RASAL2: variants seen among roughly 807,000 people sequenced by gnomAD.
RASAL2 encodes RAS protein activator like 2.
Under a neutral mutation model 128.9 loss-of-function variants are expected in RASAL2, and 58 were observed. That is an observed-to-expected ratio of 0.45 (90% CI 0.36 to 0.56). The LOEUF is 0.56. Ranked by LOEUF, RASAL2 falls within the 20% of genes least tolerant of loss-of-function variation. RASAL2 has a pLI of 0.00. For missense variants in RASAL2, 1,360 were observed against 1,601.6 expected, an observed-to-expected ratio of 0.85 and a Z score of 2.57; for synonymous variants, 561 against 580.8, an observed-to-expected ratio of 0.97 and a Z score of 0.49.
intron 1 of RASAL2, among the ~76,000 whole-genome samples, chr1:178,136,462 C>T (rs1165752564): frequency 6.6e-6 from 1 of 151,824 alleles, no homozygotes; most frequent in Non-Finnish European, 1.5e-5. Context: ...TATTTTTTCC[C>T]TTAAAGGACT....
At chr1:178,364,907 C>T (rs1671319915) in intron 3 of RASAL2, among the ~76,000 whole-genome samples, 1 of 151,396 alleles carries the variant, frequency 6.6e-6, no homozygotes, top group Admixed American at 6.6e-5. Flanking sequence ...ACTGTATTTA[C>T]TTTTTTTTTC....
intron 3 of RASAL2, among the ~76,000 whole-genome samples, chr1:178,318,956 A>G (rs372157442): frequency 2.6e-5 from 4 of 151,724 alleles, no homozygotes; most frequent in Admixed American, 6.6e-5. Flanking sequence ...CATGTTTAGC[A>G]CTTCCTTCAG....
At chr1:178,141,939 C>T (rs774909604) in intron 1 of RASAL2, among the ~76,000 whole-genome samples, 3 of 151,940 alleles carry the variant, frequency 2.0e-5, no homozygotes, top group Non-Finnish European at 4.4e-5. Flanking sequence ...TCAATATTTC[C>T]GGGAAGCTGC....
rs565583994 is a variant in RASAL2, at chr1:178,455,688, A to G, written c.2212-1033A>G. On this transcript the variant is annotated intron_variant, in intron 12 of 17. Transcript: ENST00000367649. The stretch of plus-strand genomic sequence containing the variant: ...ACCCTTTTCATGTGAATCGTAGCCC[A>G]ACATTATTGAGCAAGTAAAGGCCTT... Among the ~76,000 whole-genome samples, 17 of 152,308 alleles carry G rather than the reference A, an allele frequency of 1.1e-4. No homozygotes were observed. The East Asian group carries it at 3.3e-3, about 29-fold the overall frequency.
At chr1:178,158,396 C>T (rs1336834481) in intron 1 of RASAL2, among the ~76,000 whole-genome samples, 5 of 150,456 alleles carry the variant, frequency 3.3e-5, no homozygotes, top group South Asian at 2.2e-4. Context: ...TTAAGTGAGA[C>T]AATTTATATG....
At chr1:178,169,764 T>C (rs1389762586) in intron 1 of RASAL2, among the ~76,000 whole-genome samples, 2 of 151,998 alleles carry the variant, frequency 1.3e-5, no homozygotes, top group Admixed American at 6.6e-5. Context: ...ATGAAGGCTG[T>C]GGTATTTAAT....
At chr1:178,448,082 A>G (rs1318149703) in intron 9 of RASAL2, among the ~76,000 whole-genome samples, 1 of 152,176 alleles carries the variant, frequency 6.6e-6, no homozygotes, top group Non-Finnish European at 1.5e-5. Context: ...ATGAAGCTGT[A>G]AGATTACCAG....
At chr1:178,109,531 C>T (rs569933044) in intron 1 of RASAL2, among the ~76,000 whole-genome samples, 4 of 152,220 alleles carry the variant, frequency 2.6e-5, no homozygotes, top group Non-Finnish European at 4.4e-5. Flanking sequence ...ATTTATATCC[C>T]AGGGTTTGTA....
intron 2 of RASAL2, among the ~76,000 whole-genome samples, chr1:178,292,199 T>G (rs1667310672): frequency 6.6e-6 from 1 of 152,132 alleles, no homozygotes; most frequent in Admixed American, 6.5e-5. Context: ...ATGGGGGTGT[T>G]TATTGCTGTG....
At chr1:178,180,980 G>A (rs931655605) in intron 1 of RASAL2, among the ~76,000 whole-genome samples, 1 of 151,966 alleles carries the variant, frequency 6.6e-6, no homozygotes, top group Non-Finnish European at 1.5e-5. Flanking sequence ...ATGACATAAT[G>A]CTATTCATAA....
chr1:178,370,130 C>CCT (rs1046417432), intron 3 of RASAL2, among the ~76,000 whole-genome samples: 4 of 152,144 alleles, frequency 2.6e-5, no homozygotes, highest in African/African-American at 7.2e-5. Context: ...TTGAACAAAA[C>CCT]AAAACAGTTG....
intron 17 of RASAL2, among the ~76,000 whole-genome samples, chr1:178,471,069 G>A (rs1479245952): frequency 6.6e-6 from 1 of 152,202 alleles, no homozygotes; most frequent in Non-Finnish European, 1.5e-5. Context: ...TTTTTAGGCA[G>A]TAAGTAATTA....
intron 5 of RASAL2, among the ~76,000 whole-genome samples, chr1:178,436,184 G>A (rs984772244): frequency 9.2e-5 from 14 of 152,018 alleles, no homozygotes; most frequent in African/African-American, 3.4e-4. Context: ...CTATAATCTT[G>A]CTTCTCTGGG....
chr1:178,428,097 C>T (rs887901595), intron 5 of RASAL2, among the ~76,000 whole-genome samples: 1 of 149,728 alleles, frequency 6.7e-6, no homozygotes, highest in African/African-American at 2.5e-5. Context: ...CAAATTGTTA[C>T]ATGTATCAGT....
chr1:178,253,579 AAG>A (rs1665161138), intron 1 of RASAL2, among the ~76,000 whole-genome samples: 1 of 152,148 alleles, frequency 6.6e-6, no homozygotes, highest in Admixed American at 6.5e-5. Flanking sequence ...GTGAGTCCGA[AAG>A]AGAGTCAGTG....
chr1:178,103,505 C>T (rs554933990), intron 1 of RASAL2, among the ~76,000 whole-genome samples: 7 of 152,118 alleles, frequency 4.6e-5, no homozygotes, highest in African/African-American at 1.7e-4. Context: ...GCCTGTCTCC[C>T]CACACATAAT....
At chr1:178,188,687 A>T (rs1164445792) in intron 1 of RASAL2, among the ~76,000 whole-genome samples, 1 of 152,154 alleles carries the variant, frequency 6.6e-6, no homozygotes, top group Non-Finnish European at 1.5e-5. Context: ...TTCAACTTAC[A>T]TTCGGATTCT....
chr1:178,269,315 C>A (rs976377971), intron 1 of RASAL2, among the ~76,000 whole-genome samples: 1 of 152,134 alleles, frequency 6.6e-6, no homozygotes, highest in African/African-American at 2.4e-5. Flanking sequence ...TAACTCACAC[C>A]GTCTATAATA....
At chr1:178,272,719 A>G (rs1298827393) in intron 1 of RASAL2, among the ~76,000 whole-genome samples, 1 of 152,038 alleles carries the variant, frequency 6.6e-6, no homozygotes, top group Admixed American at 6.6e-5. Context: ...CTTGAGGTCA[A>G]GAGTTCGAGA....
Sources: gnomAD v4.1 joint callset for allele counts (sites outside exome capture counted in the v4.1 genomes callset) on GRCh38, gnomAD v4.1.1 for gene constraint, MANE v1.5 for transcripts, NCBI Gene and HGNC (gene_info 2026-07-23, HGNC 2026-07-21) for gene names.